Variants in PPP3CA observed in about 807,000 individuals in gnomAD.
The protein encoded by PPP3CA is protein phosphatase 3 catalytic subunit alpha.
In PPP3CA, 14 loss-of-function variants were observed where a neutral mutation model predicts 66.5. The observed-to-expected ratio is 0.21, with a 90% CI of 0.14 to 0.33. PPP3CA has a LOEUF of 0.33. Among genes scored for constraint, PPP3CA ranks in the 10% least tolerant of loss-of-function variants. PPP3CA has a pLI of 1.00. For missense variants in PPP3CA, 317 were observed against 639.5 expected, an observed-to-expected ratio of 0.50 and a Z score of 5.44; for synonymous variants, 232 against 226.2, an observed-to-expected ratio of 1.03 and a Z score of -0.23.
At chr4:101,135,257 A>G (rs1043278296) in intron 2 of PPP3CA, among the ~76,000 whole-genome samples, 1 of 148,144 alleles carries the variant, frequency 6.8e-6, no homozygotes, top group East Asian at 2.0e-4. Flanking sequence ...AAAAAAAAAA[A>G]AAATCAATAT....
intron 1 of PPP3CA, among the ~76,000 whole-genome samples, chr4:101,343,294 T>C: frequency 6.6e-6 from 1 of 152,178 alleles, no homozygotes; most frequent in Non-Finnish European, 1.5e-5. Flanking sequence ...CCTCTAAGTA[T>C]TTTTAACTAT....
At chr4:101,139,696 G>GTTTTTTTTTTTTTTTT (rs372257350) in intron 2 of PPP3CA, among the ~76,000 whole-genome samples, 8 of 98,398 alleles carry the variant, frequency 8.1e-5, no homozygotes, top group East Asian at 3.3e-4. Flanking sequence ...TTTTTTTTGT[G>GTTTTTTTTTTTTTTTT]TTTTTTTTTT....
intron 1 of PPP3CA, among the ~76,000 whole-genome samples, chr4:101,237,696 T>A (rs1332063613): frequency 1.3e-5 from 2 of 152,016 alleles, no homozygotes; most frequent in Non-Finnish European, 2.9e-5. Context: ...ACAGAGCATA[T>A]CTGATTTTGT....
chr4:101,322,054 G>C lies in PPP3CA; in HGVS notation c.58+24685C>G, dbSNP rs558573618. On this transcript the variant is annotated intron_variant, in intron 1 of 13. Transcript: ENST00000394854. ...GAACCCTTGTCAAATGAGCTCTTTT[G>C]AACATATTTAGGCTTTCTGGTTAAA... Among the ~76,000 whole-genome samples the C allele has an allele frequency of 2.0e-5, 3 of 152,210 alleles. No homozygotes were observed. In the South Asian group the frequency reaches 6.2e-4, roughly 32 times the overall value.
At chr4:101,287,606 G>T (rs1727885369) in intron 1 of PPP3CA, among the ~76,000 whole-genome samples, 1 of 152,064 alleles carries the variant, frequency 6.6e-6, no homozygotes, top group Non-Finnish European at 1.5e-5. Context: ...AGTGCACAAA[G>T]TCCTCTGCTT....
chr4:101,247,733 A>G (rs945073322), intron 1 of PPP3CA, among the ~76,000 whole-genome samples: 10 of 152,204 alleles, frequency 6.6e-5, no homozygotes, highest in Admixed American at 4.6e-4. Flanking sequence ...TTTAATATAG[A>G]AAGTTGCTTA....
intron 10 of PPP3CA, among the ~76,000 whole-genome samples, chr4:101,056,405 A>G (rs771159947): frequency 5.3e-5 from 8 of 152,138 alleles, no homozygotes; most frequent in Non-Finnish European, 8.8e-5. Flanking sequence ...AGTAAACAGG[A>G]GTTGACAGAT....
Position 101,177,088 on chromosome 4 carries a change from C to T in PPP3CA, c.259+18828G>A, listed in dbSNP as rs147345043. ...AGGAGTGGAAGTTTCATTACGTTAA[C>T]GACAGAAATCATTCTGGATATTGAA... On this transcript the variant is annotated intron_variant, in intron 2 of 13. Transcript: ENST00000394854. Among the ~76,000 whole-genome samples, 1,396 of 152,098 alleles carry T rather than the reference C, an allele frequency of 9.2e-3. 10 individuals carry two copies. Among genetic ancestry groups the T allele is most frequent in the South Asian group, 0.029 (138 of 4,816 alleles).
intron 1 of PPP3CA, among the ~76,000 whole-genome samples, chr4:101,206,432 A>G (rs1396389841): frequency 6.6e-6 from 1 of 152,098 alleles, no homozygotes; most frequent in Non-Finnish European, 1.5e-5. Flanking sequence ...GCTACAACAA[A>G]CTGCATTCCT....
chr4:101,256,656 T>C (rs1726853263), intron 1 of PPP3CA, among the ~76,000 whole-genome samples: 1 of 152,020 alleles, frequency 6.6e-6, no homozygotes, highest in Non-Finnish European at 1.5e-5. Context: ...TTGCAGAGTT[T>C]TAATGATGGA....
chr4:101,316,079 C>G (rs1383273336), intron 1 of PPP3CA, among the ~76,000 whole-genome samples: 3 of 151,982 alleles, frequency 2.0e-5, no homozygotes. Context: ...TTCAGCACTT[C>G]AACATCTGCC....
rs188360180 is a variant in PPP3CA, at chr4:101,062,361, G to T, written c.1081+871C>A. On this transcript the variant is annotated intron_variant, in intron 9 of 13. Coordinates refer to ENST00000394854, the MANE Select transcript of PPP3CA (RefSeq NM_000944.5). ...AACTTGACTGGTTTAATCATTTTAG[G>T]GCATTTAAAGGGAAAACAACCATTA... Among the ~76,000 whole-genome samples the T allele has an allele frequency of 2.6e-5, 4 of 151,696 alleles. No individual in the cohort carries two copies. In the East Asian group the frequency reaches 5.8e-4, roughly 22 times the overall value.
intron 1 of PPP3CA, among the ~76,000 whole-genome samples, chr4:101,301,749 C>G (rs1005071327): frequency 6.7e-6 from 1 of 149,176 alleles, no homozygotes; most frequent in Admixed American, 6.7e-5. Context: ...CCTCAGCCTC[C>G]CAAAGTGCTG....
At chr4:101,072,562 G>A (rs1470388217) in intron 8 of PPP3CA, among the ~76,000 whole-genome samples, 1 of 152,110 alleles carries the variant, frequency 6.6e-6, no homozygotes, top group Non-Finnish European at 1.5e-5. Context: ...AAGACTAAAT[G>A]CATTTATACA....
intron 2 of PPP3CA, among the ~76,000 whole-genome samples, chr4:101,131,020 G>A (rs1722411993): frequency 6.6e-6 from 1 of 151,986 alleles, no homozygotes; most frequent in South Asian, 2.1e-4. Context: ...TGAGATTAGG[G>A]AGTTTGAAAC....
At chr4:101,148,208 G>T (rs1175357271) in intron 2 of PPP3CA, among the ~76,000 whole-genome samples, 2 of 151,942 alleles carry the variant, frequency 1.3e-5, no homozygotes, top group African/African-American at 4.8e-5. Context: ...TTTCCTTTGA[G>T]CTAGATATAA....
intron 1 of PPP3CA, 71 bp downstream of exon 1, chr4:101,346,668 G>C: frequency 1.5e-6 from 2 of 1,365,596 alleles, no homozygotes; most frequent in South Asian, 2.4e-5. Context: ...GGGAGGAAAG[G>C]CGAGGCGAGG....
intron 10 of PPP3CA, among the ~76,000 whole-genome samples, chr4:101,050,807 G>C (rs966996671): frequency 9.2e-5 from 14 of 152,084 alleles, no homozygotes; most frequent in African/African-American, 3.4e-4. Flanking sequence ...ACAGAACTTT[G>C]GTATATGGGA....
At position 101,289,838 on chromosome 4, in the gene PPP3CA, A is replaced by G. The variant is rs75251436; in HGVS notation, c.58+56901T>C. The stretch of plus-strand genomic sequence containing the variant: ...TGATTCCAGTTATATATTCAATTTA[A>G]CAATATCACTATAATCCCAAAATGT... On this transcript the variant is annotated intron_variant, in intron 1 of 13. Transcript: ENST00000394854. 2.1e-3 allele frequency among the ~76,000 whole-genome samples: 311 copies of G among 151,614 alleles called. 6 individuals are homozygous for G. The East Asian group carries it at 0.027, about 13-fold the overall frequency.
Sources: allele counts gnomAD v4.1 joint callset (sites outside exome capture counted in the v4.1 genomes callset), GRCh38; gene constraint gnomAD v4.1.1; transcripts MANE v1.5; gene names NCBI Gene and HGNC (gene_info 2026-07-23, HGNC 2026-07-21).